TENM2: variants seen among roughly 807,000 people sequenced by gnomAD.
The protein encoded by TENM2 is teneurin transmembrane protein 2, also known as teneurin-2.
A neutral mutation model predicts 245.2 loss-of-function variants in TENM2; 52 were observed. The ratio of observed to expected loss-of-function variants is 0.21; its 90% CI spans 0.17 to 0.27. The LOEUF is 0.27. TENM2 is among the 10% of genes least tolerant of loss of function. The pLI, the probability that TENM2 is intolerant of heterozygous loss-of-function variation, is 1.00. For missense variants in TENM2, 3,046 were observed against 3,666.8 expected (o/e 0.83, Z 4.37); for synonymous variants, 1,363 against 1,438.9 (o/e 0.95, Z 1.19).
At chr5:167,647,431 T>C (rs985506890) in intron 2 of TENM2, among the ~76,000 whole-genome samples, 5 of 152,078 alleles carry the variant, frequency 3.3e-5, no homozygotes, top group African/African-American at 1.2e-4. Flanking sequence ...GAGATAAGCC[T>C]GACCAACATG....
chr5:168,011,560 C>T (rs1039892224), intron 5 of TENM2, among the ~76,000 whole-genome samples: 1 of 152,056 alleles, frequency 6.6e-6, no homozygotes, highest in African/African-American at 2.4e-5. Context: ...TTCTTTTTTA[C>T]CACTTGAACG....
At chr5:167,891,472 G>A (rs1383479629) in intron 3 of TENM2, among the ~76,000 whole-genome samples, 1 of 152,108 alleles carries the variant, frequency 6.6e-6, no homozygotes, top group Non-Finnish European at 1.5e-5. Flanking sequence ...TTAGGAGGAA[G>A]GAAAGCTTAA....
At chr5:167,723,189 C>A (rs1479395047) in intron 2 of TENM2, among the ~76,000 whole-genome samples, 1 of 152,162 alleles carries the variant, frequency 6.6e-6, no homozygotes, top group African/African-American at 2.4e-5. Context: ...GGAGTTCATT[C>A]TTTGCCCAAG....
intron 3 of TENM2, among the ~76,000 whole-genome samples, chr5:167,905,302 T>C (rs1776004183): frequency 6.6e-6 from 1 of 152,188 alleles, no homozygotes; most frequent in Admixed American, 6.5e-5. Context: ...AAATAGGCAC[T>C]ATTTAGAAGG....
the TENM2 span, among the ~76,000 whole-genome samples, chr5:166,989,789 A>C: frequency 6.6e-6 from 1 of 150,654 alleles, no homozygotes; most frequent in Admixed American, 6.7e-5. Flanking sequence ...TGAACTTAAA[A>C]GCTTAAGATC....
intron 6 of TENM2, among the ~76,000 whole-genome samples, chr5:168,054,284 G>A (rs781698602): frequency 1.3e-5 from 2 of 152,226 alleles, no homozygotes; most frequent in Non-Finnish European, 2.9e-5. Flanking sequence ...CCAGCCAGCA[G>A]CAGGGTGAAG....
intron 2 of TENM2, among the ~76,000 whole-genome samples, chr5:167,384,208 T>A (rs571493045): frequency 6.6e-6 from 1 of 152,320 alleles, no homozygotes; most frequent in South Asian, 2.1e-4. Context: ...CTCCTATGCA[T>A]TTACAGAGAC....
At chr5:167,191,914 G>T in the TENM2 span, among the ~76,000 whole-genome samples, 2 of 152,014 alleles carry the variant, frequency 1.3e-5, no homozygotes, top group African/African-American at 4.8e-5. Flanking sequence ...AGGCAGCAGG[G>T]ACAGGGAAGG....
At chr5:168,124,265 G>T (rs906129529) in intron 10 of TENM2, among the ~76,000 whole-genome samples, 4 of 152,212 alleles carry the variant, frequency 2.6e-5, no homozygotes, top group African/African-American at 9.7e-5. Context: ...AACTCCTTCA[G>T]TGGGTGTGTG....
At chr5:167,998,365 G>A (rs1784203143) in intron 5 of TENM2, among the ~76,000 whole-genome samples, 1 of 152,180 alleles carries the variant, frequency 6.6e-6, no homozygotes, top group Non-Finnish European at 1.5e-5. Flanking sequence ...CATTGGAATA[G>A]ATCTAGTTTC....
chr5:167,163,827 G>T, the TENM2 span, among the ~76,000 whole-genome samples: 3 of 152,106 alleles, frequency 2.0e-5, no homozygotes, highest in African/African-American at 4.8e-5. Flanking sequence ...TATTTTGAAG[G>T]TTGCAATAGA....
rs1554150947 is a variant in TENM2 at position 167,431,970 on chromosome 5, T to TATATATAC, written c.502+56504_502+56505insCATATATA. Among the ~76,000 whole-genome samples the TATATATAC allele has an allele frequency of 1.2e-3, 161 of 135,524 alleles. 4 individuals carry two copies. The highest frequency in any genetic ancestry group is 5.3e-3 in the Admixed American group (70 of 13,322). The allele number at this position is 135,524 out of a possible 152,430, so 88.9% of individuals were successfully genotyped here. On this transcript the variant is annotated intron_variant, in intron 2 of 28. Transcript: ENST00000518659. ...ATATGTATATATATATGTATATATA[T>TATATATAC]ATATATATGGAAGTTCAATGCTTTC...
intron 2 of TENM2, among the ~76,000 whole-genome samples, chr5:167,661,878 A>T (rs762092781): frequency 1.3e-5 from 2 of 152,180 alleles, no homozygotes; most frequent in Non-Finnish European, 2.9e-5. Context: ...CATAATCCTT[A>T]CAACTAGAAA....
chr5:167,333,324 C>T lies in TENM2; in HGVS notation c.227-41874C>T, dbSNP rs911749290. Among the ~76,000 whole-genome samples, 6 of 152,116 alleles carry T rather than the reference C, an allele frequency of 3.9e-5. No individual in the cohort carries two copies. In the South Asian group the frequency reaches 8.3e-4, roughly 21 times the overall value. On this transcript the variant is annotated intron_variant, in intron 1 of 28. Transcript: ENST00000518659. ...AACTGCTTACTTCACCTCTTAGCCT[C>T]GATTTTCTCAGCTGCAAAGTAAGCA...
At chr5:167,546,723 C>T (rs1362511717) in intron 2 of TENM2, among the ~76,000 whole-genome samples, 4 of 152,218 alleles carry the variant, frequency 2.6e-5, no homozygotes, top group South Asian at 2.1e-4. Context: ...GGGGATGCTC[C>T]GCAAGGCAGA....
chr5:167,014,798 C>T, the TENM2 span, among the ~76,000 whole-genome samples: 1 of 152,140 alleles, frequency 6.6e-6, no homozygotes, highest in Non-Finnish European at 1.5e-5. Context: ...CATCAGAGAC[C>T]GGGGTGAAAC....
At chr5:167,949,942 T>A (rs1459993598) in intron 3 of TENM2, among the ~76,000 whole-genome samples, 1 of 152,216 alleles carries the variant, frequency 6.6e-6, no homozygotes, top group African/African-American at 2.4e-5. Flanking sequence ...AGGAGGAGAA[T>A]GTCTTCCAAT....
chr5:167,795,320 A>G (rs1308922461), intron 2 of TENM2, among the ~76,000 whole-genome samples: 1 of 152,172 alleles, frequency 6.6e-6, no homozygotes, highest in Non-Finnish European at 1.5e-5. Context: ...CAAATGAGGA[A>G]GCTCTTTTGC....
In TENM2 at chr5:167,587,378, G is replaced by T. The variant is rs1453844964; in HGVS notation, c.502+211905G>T. On this transcript the variant is annotated intron_variant, in intron 2 of 28. Transcript: ENST00000518659. ...ATGTCCGCTTGTTGTGAAACAGCCT[G>T]TCACTCAGAAAGGTTTTCAGTGACT... 2.0e-5 allele frequency among the ~76,000 whole-genome samples: 3 copies of T among 152,196 alleles called. No homozygotes were observed. In the East Asian group the frequency reaches 5.8e-4, roughly 29 times the overall value.
Sources: allele counts gnomAD v4.1 joint callset (sites outside exome capture counted in the v4.1 genomes callset), GRCh38; gene constraint gnomAD v4.1.1; transcripts MANE v1.5; gene names NCBI Gene and HGNC (gene_info 2026-07-23, HGNC 2026-07-21).